The following CES4A variants were observed in gnomAD, a reference collection of about 807,000 sequenced individuals.
CES4A encodes the protein carboxylesterase 6.
In CES4A, 48 loss-of-function variants were observed where a neutral mutation model predicts 65.4. The observed-to-expected ratio is 0.73, with a 90% confidence interval of 0.58 to 0.93. The LOEUF is 0.93. Ranked by LOEUF, CES4A falls within the 40% of genes least tolerant of loss-of-function variation. CES4A has a pLI of 0.00. For missense variants in CES4A, 685 were observed against 728.5 expected, an observed-to-expected ratio of 0.94 and a Z score of 0.69; for synonymous variants, 247 against 281.8, an observed-to-expected ratio of 0.88 and a Z score of 1.24.
intron 1 of CES4A, among the ~76,000 whole-genome samples, chr16:66,995,325 A>C (rs1473519984): frequency 6.6e-6 from 1 of 151,714 alleles, no homozygotes; most frequent in Non-Finnish European, 1.5e-5. Context: ...ATAAATAAAT[A>C]AATAAATAAA....
chr16:66,995,340 TATAA>T (rs1219559799), intron 1 of CES4A, among the ~76,000 whole-genome samples: 5 of 151,352 alleles, frequency 3.3e-5, no homozygotes, highest in Admixed American at 6.6e-5. Flanking sequence ...AATAAATAAA[TATAA>T]ATAAATAAAC....
exon 12 of CES4A, chr16:67,006,460 C>T: frequency 6.5e-7 from 1 of 1,536,634 alleles, no homozygotes; most frequent in Non-Finnish European, 8.7e-7. Flanking sequence ...AAACCCCGCA[C>T]TGATGGGGCA....
intron 5 of CES4A, among the ~76,000 whole-genome samples, chr16:67,002,305 G>A (rs1965422095): frequency 6.6e-6 from 1 of 152,172 alleles, no homozygotes; most frequent in African/African-American, 2.4e-5. Context: ...AAGCAGCAAA[G>A]TGACATGATC....
exon 14 of CES4A, chr16:67,009,174 G>A: frequency 6.3e-7 from 1 of 1,594,414 alleles, no homozygotes; most frequent in African/African-American, 1.3e-5. Context: ...CCAAAGAGGG[G>A]TTTGCCCCCA....
chr16:67,008,821 A>G, intron 13 of CES4A, 153 bp from the exon 14 acceptor site: 1 of 761,746 alleles, frequency 1.3e-6, no homozygotes, highest in Admixed American at 2.4e-5. Context: ...CCCAATACAC[A>G]CTTTCCTACT....
At chr16:67,010,417 C>T (rs1567595249), downstream of CES4A, among the ~76,000 whole-genome samples, 2 of 141,650 alleles carry the variant, frequency 1.4e-5, no homozygotes, top group South Asian at 2.3e-4. Context: ...ACCATTTTAA[C>T]TATTTTTGTT....
At position 67,001,003 on chromosome 16, in the gene CES4A, G is replaced by C. The variant is rs746929203; in HGVS notation, c.536+13G>C. On this transcript the variant is annotated intron_variant, in intron 4 of 13. Transcript: ENST00000648724. This position sits in a 1 kb window ranked among gnomAD's most constrained non-coding sequence, Gnocchi z 4.1. ...TCGGCTTCCTGAGGTGGCGGGGCCG[G>C]TACCCTTTGGGACCGCAGCTGTGGC... 6.9e-6 allele frequency: 11 copies of C among 1,588,626 alleles called. No homozygotes were observed. Among genetic ancestry groups the C allele is most frequent in the Non-Finnish European group, 8.6e-6 (10 of 1,163,950 alleles).
intron 13 of CES4A, 50 bp downstream of exon 13, chr16:67,006,867 A>G (rs572941788): frequency 1.9e-5 from 30 of 1,554,652 alleles, no homozygotes; most frequent in Middle Eastern, 3.4e-4. Context: ...CCAGTGCTGG[A>G]CCTGAAGAAG....
At chr16:66,988,981 A>G (rs1964163772) in intron 1 of CES4A, 151 bp downstream of exon 1, 1 of 927,236 alleles carries the variant, frequency 1.1e-6, no homozygotes, top group African/African-American at 1.7e-5. Flanking sequence ...AGGACACTAA[A>G]CCATCTACCA....
intron 10 of CES4A, 174 bp from the exon 11 acceptor site, chr16:67,005,066 A>G (rs993096598): frequency 3.8e-6 from 3 of 784,608 alleles, no homozygotes; most frequent in Non-Finnish European, 6.3e-6. Flanking sequence ...GCAGTTATGC[A>G]GCAAAATCAG....
At chr16:67,008,746 A>G (rs1433677945) in intron 13 of CES4A, 12 of 493,618 alleles carry the variant, frequency 2.4e-5, no homozygotes, top group Non-Finnish European at 1.8e-5. Context: ...TGCTTCCTCC[A>G]AAAGCCTTGG....
At chr16:67,004,918 AC>A (rs773799366) in intron 10 of CES4A, 45 bp downstream of exon 10, 124 of 1,451,594 alleles carry the variant, frequency 8.5e-5, no homozygotes, top group Admixed American at 3.2e-4. Context: ...GACAGGGTTG[AC>A]CCCCCTGTTT....
Position 67,001,898 on chromosome 16 carries a change from G to C in CES4A, c.690+437G>C, listed in dbSNP as rs764705924. Among the ~76,000 whole-genome samples, 1 of 152,256 alleles carries C rather than the reference G, an allele frequency of 6.6e-6. No homozygotes were observed. Among genetic ancestry groups the C allele is most frequent in the Non-Finnish European group, 1.5e-5 (1 of 68,048 alleles). ...GACCTGGGATGTGCCTGGAATGTGG[G>C]TGTACTGTAAGGTGCCCTGTGAGGG... On this transcript the variant is annotated intron_variant, in intron 5 of 13. Transcript: ENST00000648724. The surrounding 1 kb of genome is among the most constrained non-coding windows in gnomAD (Gnocchi z 4.1).
chr16:66,988,708 C>T, exon 1 of CES4A: 1 of 1,550,484 alleles, frequency 6.4e-7, no homozygotes, highest in Non-Finnish European at 8.7e-7. Flanking sequence ...GCTACCATGC[C>T]ATCCACAGTG....
chr16:67,006,302 C>T lies in CES4A; in HGVS notation c.1316-89C>T. On this transcript the variant is annotated intron_variant, in intron 11 of 13. Transcript: ENST00000648724. ...TCTGAAGCCAAAGCTCTTTTTCCTG[C>T]TTGGTGCAGGTGAGTGGGAGGCATG... is the stretch of plus-strand genomic sequence containing the variant. The T allele has an allele frequency of 2.8e-6, 4 of 1,413,408 alleles. No individual in the cohort carries two copies. In the South Asian group the frequency reaches 5.2e-5, roughly 18 times the overall value. 87.6% of individuals were successfully genotyped at this position (1,413,408 alleles called of 1,614,324 possible).
At chr16:66,994,259 T>C (rs1964631335) in intron 1 of CES4A, among the ~76,000 whole-genome samples, 1 of 147,322 alleles carries the variant, frequency 6.8e-6, no homozygotes, top group Non-Finnish European at 1.5e-5. Context: ...TTTTTTGAGA[T>C]GGAGTCTCAC....
chr16:67,004,364 G>A (rs975553525), intron 9 of CES4A, 140 bp downstream of exon 9: 3 of 871,066 alleles, frequency 3.4e-6, no homozygotes, highest in Admixed American at 4.4e-5. Context: ...ATGTTTGGGA[G>A]CCTCCTGTAG....
rs371415532 is a variant in CES4A at position 67,005,287 on chromosome 16, C to A, written c.1209C>A (p.Asp403Glu). 8.7e-6 allele frequency: 14 copies of A among 1,613,928 alleles called. No individual in the cohort carries two copies. In the South Asian group the frequency reaches 1.5e-4, roughly 18 times the overall value. ...CACTTGTGGTGGAGGAGTACCTGGA[C>A]AATGTCAATGAGCATGACTGGAAGA... is the stretch of plus-strand genomic sequence containing the variant. Residue 403 changes from aspartate (D) to glutamate (E), a missense_variant, in exon 11 of 14, where the codon GAC becomes GAA. Physicochemically the swap from Asp to Glu is conservative, Grantham distance 45. Transcript: ENST00000648724.
intron 11 of CES4A, chr16:67,006,039 G>A (rs577059007): frequency 2.4e-5 from 6 of 245,848 alleles, no homozygotes; most frequent in African/African-American, 8.9e-5. Flanking sequence ...AGGTTAAAGG[G>A]GGGGGGGCTG....
Sources: gnomAD v4.1 joint callset for allele counts (sites outside exome capture counted in the v4.1 genomes callset) on GRCh38, gnomAD v4.1.1 for gene constraint, Gnocchi (gnomAD v3.1) non-coding constraint, MANE v1.5 for transcripts, NCBI Gene and HGNC (gene_info 2026-07-23, HGNC 2026-07-21) for gene names.